KIF23: variants seen among roughly 807,000 people sequenced by gnomAD.
The protein encoded by KIF23 is kinesin-like protein KIF23.
A neutral mutation model predicts 137.5 loss-of-function variants in KIF23; 30 were observed. That is an observed-to-expected ratio of 0.22 (90% CI 0.16 to 0.30). The LOEUF (loss-of-function observed/expected upper bound fraction) is 0.30, where lower values mean the gene tolerates loss of function less well. Ranked by LOEUF, KIF23 falls within the 10% of genes least tolerant of loss-of-function variation. KIF23 has a pLI of 1.00. For missense variants in KIF23, 920 were observed against 1,194.3 expected (o/e 0.77, Z 3.38); for synonymous variants, 367 against 391.1 (o/e 0.94, Z 0.73).
intron 11 of KIF23, among the ~76,000 whole-genome samples, chr15:69,430,571 G>T (rs949774640): frequency 6.6e-6 from 1 of 152,202 alleles, no homozygotes; most frequent in Non-Finnish European, 1.5e-5. Context: ...GGAGTGAGCT[G>T]TATGAAGCAG....
chr15:69,440,968 C>T lies in KIF23; in HGVS notation c.2310C>T (p.Ser770=). 6.2e-7 allele frequency: 1 copy of T among 1,614,184 alleles called. No homozygotes were observed. The highest frequency in any genetic ancestry group is 8.5e-7 in the Non-Finnish European group (1 of 1,180,034). The part of the protein sequence containing the change: ...ARRRQQEPGQ[S]KTCIVSDRRR... The stretch of plus-strand genomic sequence containing the variant: ...GTAGGCAGCAGGAGCCAGGACAAAG[C>T]AAAACTTGTATCGTGTCAGACAGAA... Residue 770 remains serine (S), a synonymous_variant, in exon 19 of 24, where the codon AGC becomes AGT. Transcript: ENST00000679126.
Position 69,444,933 on chromosome 15 carries a change from C to T in KIF23, c.2565C>T (p.Ala855=). 6.2e-7 allele frequency: 1 copy of T among 1,614,180 alleles called. No individual in the cohort carries two copies. The highest frequency in any genetic ancestry group is 8.5e-7 in the Non-Finnish European group (1 of 1,180,032). The part of the protein sequence containing the change: ...ETVMQPHVPH[A]ITVSVANEKA... ...TCATGCAGCCACATGTCCCTCATGC[C>T]ATCACAGTATCTGTTGCAAATGAAA... Residue 855 remains alanine (A), a synonymous_variant, in exon 20 of 24, where the codon GCC becomes GCT. Transcript: ENST00000679126. The surrounding 1 kb of genome is among the most constrained non-coding windows in gnomAD (Gnocchi z 4.2).
At chr15:69,442,723 G>A (rs1364722324) in intron 19 of KIF23, among the ~76,000 whole-genome samples, 3 of 152,286 alleles carry the variant, frequency 2.0e-5, no homozygotes, top group East Asian at 1.9e-4. Context: ...CAAGGCTTGC[G>A]TATGCCTTGC....
At chr15:69,445,972 A>C (rs1329425208) in intron 20 of KIF23, 37 bp from the exon 21 acceptor site, 13 of 1,397,226 alleles carry the variant, frequency 9.3e-6, no homozygotes, top group Non-Finnish European at 1.3e-5. Flanking sequence ...GTTTGGGTGT[A>C]TCAATGTGTA....
chr15:69,427,426 G>T (rs1194622028), intron 10 of KIF23: 1 of 455,982 alleles, frequency 2.2e-6, no homozygotes, highest in Non-Finnish European at 4.4e-6. Context: ...AAAAAAGTTT[G>T]CAAATCTTTA....
rs147396564 is a variant in KIF23, at chr15:69,447,860, G to A, written c.*53G>A. On this transcript the variant is annotated 3_prime_UTR_variant, in exon 24 of 24. Coordinates refer to ENST00000679126, the MANE Select transcript of KIF23 (RefSeq NM_001367805.3). ...TTTTCATTTGTGTGGATGATTTCTC[G>A]AAAGCCATGCCAGAAGCAGTCTTCC... 70 of 1,581,448 alleles carry A rather than the reference G, an allele frequency of 4.4e-5. No homozygotes were observed. In the East Asian group the frequency reaches 1.5e-3, roughly 33 times the overall value.
At chr15:69,419,958 C>G (rs1195762299) in intron 3 of KIF23, among the ~76,000 whole-genome samples, 1 of 152,098 alleles carries the variant, frequency 6.6e-6, no homozygotes, top group East Asian at 1.9e-4. Context: ...CAGAAGGCAA[C>G]ATTGTATAAT....
At chr15:69,417,640 C>A in intron 3 of KIF23, 129 bp downstream of exon 3, 1 of 983,734 alleles carries the variant, frequency 1.0e-6, no homozygotes, top group Non-Finnish European at 1.5e-6. Flanking sequence ...TTCATTATAA[C>A]CACTGTATCT....
At chr15:69,416,123 C>G (rs1023117449) in intron 2 of KIF23, 60 bp downstream of exon 2, 4 of 1,108,102 alleles carry the variant, frequency 3.6e-6, no homozygotes, top group Non-Finnish European at 3.9e-6. Context: ...TCAGTCCTTT[C>G]TGTCTTATGT....
intron 23 of KIF23, among the ~76,000 whole-genome samples, chr15:69,447,322 G>C (rs893310620): frequency 6.6e-6 from 1 of 152,128 alleles, no homozygotes; most frequent in African/African-American, 2.4e-5. Flanking sequence ...TTGCTTCTTG[G>C]TCTTGGTGTA....
At position 69,417,388 on chromosome 15, in the gene KIF23, C is replaced by T. The variant is rs1317775387; in HGVS notation, c.87C>T (p.Tyr29=). 1.2e-6 allele frequency: 2 copies of T among 1,607,876 alleles called. No individual in the cohort carries two copies. The highest frequency in any genetic ancestry group is 1.7e-5 in the Admixed American group (1 of 58,794). ...QTNLKDPVGV[Y]CRVRPLGFPD... is the part of the protein sequence containing the mutation. Reference sequence around the variant, plus strand: ...GCACCTTCCTATTTCTTCAGGTATACTGTAGGGTGCGCCCACTGGGCTTTC... The same window carrying T: ...GCACCTTCCTATTTCTTCAGGTATATTGTAGGGTGCGCCCACTGGGCTTTC... The change falls in exon 3 of 24, where the codon TAC becomes TAT. Residue 29 remains tyrosine, a synonymous_variant. Coordinates refer to ENST00000679126, the MANE Select transcript of KIF23 (RefSeq NM_001367805.3).
At chr15:69,446,428 C>T (rs2057741812) in intron 22 of KIF23, 64 bp downstream of exon 22, 3 of 1,283,008 alleles carry the variant, frequency 2.3e-6, no homozygotes, top group Non-Finnish European at 3.4e-6. Context: ...TTAAACCCCA[C>T]AGCTCTAGAT....
intron 10 of KIF23, among the ~76,000 whole-genome samples, chr15:69,427,138 T>TAAAAAATA (rs906417862): frequency 6.6e-6 from 1 of 151,706 alleles, no homozygotes; most frequent in Non-Finnish European, 1.5e-5. Flanking sequence ...AAAATAAGGC[T>TAAAAAATA]AAAAAATAAA....
intron 19 of KIF23, among the ~76,000 whole-genome samples, 156 bp downstream of exon 19, chr15:69,441,235 T>C (rs1443291224): frequency 6.6e-6 from 1 of 152,188 alleles, no homozygotes; most frequent in Non-Finnish European, 1.5e-5. Flanking sequence ...CTTACGGAAA[T>C]TGAGGCCTGG....
At chr15:69,434,900 GC>G in intron 11 of KIF23, 1 of 713,830 alleles carries the variant, frequency 1.4e-6, no homozygotes, top group Non-Finnish European at 2.4e-6. Flanking sequence ...CCATCACCAT[GC>G]CCAGCTCCAG....
chr15:69,425,452 C>G, intron 8 of KIF23, 129 bp downstream of exon 8: 1 of 763,946 alleles, frequency 1.3e-6, no homozygotes, highest in Non-Finnish European at 2.1e-6. Flanking sequence ...CTAAGCCCTC[C>G]TTGCTTCCTG....
intron 11 of KIF23, chr15:69,434,847 G>A (rs1389217368): frequency 4.8e-6 from 4 of 827,718 alleles, no homozygotes; most frequent in Non-Finnish European, 8.0e-6. Context: ...CAGGCACAGG[G>A]CATAGCTGCT....
At chr15:69,423,864 G>A (rs760604219) in intron 7 of KIF23, among the ~76,000 whole-genome samples, 4 of 152,136 alleles carry the variant, frequency 2.6e-5, no homozygotes, top group East Asian at 3.8e-4. Flanking sequence ...TTTCTGAGAC[G>A]TAAGACTGGT....
chr15:69,432,249 TG>T (rs1466197805), intron 11 of KIF23, among the ~76,000 whole-genome samples: 2 of 152,152 alleles, frequency 1.3e-5, no homozygotes, highest in Non-Finnish European at 2.9e-5. Context: ...TTGGGGCATA[TG>T]GCAGAGGCTC....
Sources: allele counts gnomAD v4.1 joint callset (sites outside exome capture counted in the v4.1 genomes callset), GRCh38; gene constraint gnomAD v4.1.1; non-coding constraint Gnocchi (gnomAD v3.1); transcripts MANE v1.5; gene names NCBI Gene and HGNC (gene_info 2026-07-23, HGNC 2026-07-21).